The following TAFA5 variants were observed in gnomAD, a reference collection of about 807,000 sequenced individuals.
The protein encoded by TAFA5 is chemokine-like protein TAFA-5.
In TAFA5, 6 loss-of-function variants were observed where a neutral mutation model predicts 15.3. The ratio of observed to expected loss-of-function variants is 0.39; its 90% CI spans 0.21 to 0.77. The LOEUF is 0.77. Among genes scored for constraint, TAFA5 ranks in the 30% least tolerant of loss-of-function variants. TAFA5 has a pLI of 0.41. For synonymous variants in TAFA5, 103 were observed against 80.7 expected (o/e 1.28, Z -1.48); for missense variants, 161 against 193.1 (o/e 0.83, Z 0.98).
chr22:48,652,320 G>C (rs896223567), intron 2 of TAFA5, among the ~76,000 whole-genome samples: 16 of 152,370 alleles, frequency 1.1e-4, no homozygotes, highest in Non-Finnish European at 2.4e-4. Flanking sequence ...GCCTGGCCAG[G>C]GGTTGGCCCC....
chr22:48,623,356 ACG>A (rs1925914963), intron 1 of TAFA5, among the ~76,000 whole-genome samples: 3 of 114,830 alleles, frequency 2.6e-5, no homozygotes. Flanking sequence ...GTGGGACGGG[ACG>A]TGTCGCGTGG....
chr22:48,747,899 A>T (rs913229981), intron 3 of TAFA5, among the ~76,000 whole-genome samples: 2 of 128,874 alleles, frequency 1.6e-5, no homozygotes, highest in African/African-American at 5.7e-5. Flanking sequence ...TCTGTCTAAA[A>T]AAAAAAAAAA....
chr22:48,640,516 T>C (rs984040302), intron 1 of TAFA5, among the ~76,000 whole-genome samples: 2 of 152,014 alleles, frequency 1.3e-5, no homozygotes, highest in African/African-American at 4.8e-5. Context: ...GTCTCCCTTT[T>C]TGGCTTAGAC....
chr22:48,664,285 G>A (rs1310845616), intron 2 of TAFA5, among the ~76,000 whole-genome samples: 1 of 152,092 alleles, frequency 6.6e-6, no homozygotes, highest in African/African-American at 2.4e-5. Context: ...TTTGAATGTT[G>A]CCTCTGATGC....
intron 3 of TAFA5, among the ~76,000 whole-genome samples, chr22:48,738,166 G>A (rs1013322394): frequency 6.6e-6 from 1 of 152,216 alleles, no homozygotes; most frequent in Admixed American, 6.5e-5. Context: ...GGCAGTGCCT[G>A]CAGAACTGGG....
intron 1 of TAFA5, among the ~76,000 whole-genome samples, chr22:48,494,899 A>T (rs866329575): frequency 1.2e-4 from 18 of 152,172 alleles, no homozygotes; most frequent in African/African-American, 4.1e-4. Flanking sequence ...TGTAGCGTTT[A>T]CTTATTTATT....
intron 1 of TAFA5, among the ~76,000 whole-genome samples, chr22:48,500,745 T>C (rs1217108365): frequency 8.5e-5 from 13 of 152,246 alleles, no homozygotes; most frequent in Non-Finnish European, 1.3e-4. Flanking sequence ...GACATCGCAC[T>C]GTGTCCCAGA....
chr22:48,504,076 C>T (rs1920970769), intron 1 of TAFA5, among the ~76,000 whole-genome samples: 1 of 152,210 alleles, frequency 6.6e-6, no homozygotes, highest in South Asian at 2.1e-4. Flanking sequence ...TTTCTGGTAC[C>T]AGCGATCGAG....
chr22:48,713,484 G>C (rs1017702613), intron 3 of TAFA5, among the ~76,000 whole-genome samples: 2 of 152,250 alleles, frequency 1.3e-5, no homozygotes, highest in African/African-American at 2.4e-5. Context: ...ATAAACTGCT[G>C]CTGACTTGGG....
intron 1 of TAFA5, among the ~76,000 whole-genome samples, chr22:48,557,077 G>T (rs16999437): frequency 6.5e-4 from 99 of 152,336 alleles, no homozygotes; most frequent in Middle Eastern, 3.4e-3. Context: ...AGTGCGCCCA[G>T]GTCTGGGGTT....
chr22:48,633,503 T>C (rs1299245159), intron 1 of TAFA5, among the ~76,000 whole-genome samples: 1 of 55,168 alleles, frequency 1.8e-5, no homozygotes, highest in Non-Finnish European at 2.9e-5. Context: ...TGTGTCTGTC[T>C]GTCTGTCTGT....
At chr22:48,660,063 C>T (rs1279448799) in intron 2 of TAFA5, among the ~76,000 whole-genome samples, 2 of 152,086 alleles carry the variant, frequency 1.3e-5, no homozygotes, top group Non-Finnish European at 2.9e-5. Flanking sequence ...GTCTGGATGC[C>T]GAGTCATCTT....
At chr22:48,570,827 AAAG>A (rs1923556629) in intron 1 of TAFA5, among the ~76,000 whole-genome samples, 1 of 145,230 alleles carries the variant, frequency 6.9e-6, no homozygotes, top group South Asian at 2.2e-4. Flanking sequence ...TTTATAGCAG[AAAG>A]AAGATTTCTG....
intron 2 of TAFA5, among the ~76,000 whole-genome samples, chr22:48,694,816 G>A (rs2337315): frequency 4.6e-5 from 2 of 43,638 alleles, no homozygotes; most frequent in Admixed American, 2.4e-4. Flanking sequence ...GCCCCCACCC[G>A]CCGCCGCTCC....
chr22:48,525,783 G>A (rs573497172), intron 1 of TAFA5, among the ~76,000 whole-genome samples: 2 of 152,282 alleles, frequency 1.3e-5, no homozygotes, highest in South Asian at 2.1e-4. Flanking sequence ...GCAGAGGCAC[G>A]GTGGTGTGCA....
intron 1 of TAFA5, among the ~76,000 whole-genome samples, chr22:48,559,831 G>A (rs1046251405): frequency 2.0e-5 from 3 of 152,300 alleles, no homozygotes; most frequent in East Asian, 3.9e-4. Flanking sequence ...AAGGGATGCA[G>A]GGGCAGCGCC....
rs1488199847 is a variant in TAFA5 at position 48,566,381 on chromosome 22, T to G, written c.112+76677T>G. ...GGTGGACGGATGGTGGATGGATGGG[T>G]GGATGGTGAATGATGGGTAGATGGT... On this transcript the variant is annotated intron_variant, in intron 1 of 3. Transcript: ENST00000402357. The surrounding 1 kb of genome is among the most constrained non-coding windows in gnomAD (Gnocchi z 4.5). Among the ~76,000 whole-genome samples, 1 of 151,230 alleles carries G rather than the reference T, an allele frequency of 6.6e-6. No homozygotes were observed. The highest frequency in any genetic ancestry group is 2.4e-5 in the African/African-American group (1 of 41,060).
chr22:48,632,955 C>T (rs748674014), intron 1 of TAFA5, among the ~76,000 whole-genome samples: 7 of 152,210 alleles, frequency 4.6e-5, no homozygotes, highest in Admixed American at 2.0e-4. Context: ...CGGCTGCAGG[C>T]GTGCACTTCC....
At chr22:48,656,085 A>T (rs925427430) in intron 2 of TAFA5, among the ~76,000 whole-genome samples, 49 of 151,212 alleles carry the variant, frequency 3.2e-4, no homozygotes, top group African/African-American at 1.1e-3. Flanking sequence ...CTCCTGATCC[A>T]TCTGCCTCGG....
Sources: gnomAD v4.1 joint callset for allele counts (sites outside exome capture counted in the v4.1 genomes callset) on GRCh38, gnomAD v4.1.1 for gene constraint, Gnocchi (gnomAD v3.1) non-coding constraint, MANE v1.5 for transcripts, NCBI Gene and HGNC (gene_info 2026-07-23, HGNC 2026-07-21) for gene names.